ALKBH3: variants seen among roughly 807,000 people sequenced by gnomAD.
ALKBH3 encodes the protein alkB homolog 3, alpha-ketoglutarate dependent dioxygenase, also known as alpha-ketoglutarate-dependent dioxygenase alkB homolog 3.
Under a neutral mutation model 43.9 loss-of-function variants are expected in ALKBH3, and 51 were observed. That is an observed-to-expected ratio of 1.16 (90% confidence interval 0.93 to 1.47). ALKBH3 has a LOEUF of 1.47. ALKBH3 is among the 40% of genes most tolerant of loss of function. The pLI is 0.00. For missense variants in ALKBH3, 361 were observed against 351.9 expected (o/e 1.03, Z -0.21); for synonymous variants, 102 against 115.2 (o/e 0.89, Z 0.73).
chr11:43,906,046 C>A lies in ALKBH3; in HGVS notation c.669+4321C>A, dbSNP rs142905777. Among the ~76,000 whole-genome samples the A allele has an allele frequency of 4.5e-3, 683 of 152,280 alleles. 7 individuals carry two copies. Among genetic ancestry groups the A allele is most frequent in the African/African-American group, 0.016 (650 of 41,550 alleles). On this transcript the variant is annotated intron_variant, in intron 8 of 9. Transcript: ENST00000302708. ...CAAATTACCTCTGGATAAACTGTAT[C>A]CTTCATCAGCTGAATTCTGCAAATG...
At chr11:43,898,103 C>G in intron 7 of ALKBH3, 2 of 1,070,588 alleles carry the variant, frequency 1.9e-6, no homozygotes, top group Non-Finnish European at 2.9e-6. Context: ...CTCAGCAGCC[C>G]CAGTGCACCT....
chr11:43,889,121 G>A (rs906930152), intron 5 of ALKBH3, among the ~76,000 whole-genome samples: 2 of 152,046 alleles, frequency 1.3e-5, no homozygotes, highest in South Asian at 2.1e-4. Context: ...CTCCACCCCC[G>A]GGTTCAAGCG....
At chr11:43,882,890 C>CTAAG (rs1951721589) in intron 2 of ALKBH3, 159 bp downstream of exon 2, 1 of 925,110 alleles carries the variant, frequency 1.1e-6, no homozygotes, top group Non-Finnish European at 1.6e-6. Flanking sequence ...TGATGGTGAG[C>CTAAG]TAAGGGTGGG....
Position 43,892,044 on chromosome 11 carries a change from T to C in ALKBH3, c.374T>C (p.Ile125Thr), listed in dbSNP as rs1332944576. 3 of 1,611,412 alleles carry C rather than the reference T, an allele frequency of 1.9e-6. No individual in the cohort carries two copies. In the Admixed American group the frequency reaches 5.0e-5, roughly 27 times the overall value. The stretch of plus-strand genomic sequence containing the variant: ...AGGCCTGTATTTTCTTTCTTAGATA[T>C]AACTTATCAGCAACCAAGACTTACA... ...WKQRTGIRED[I>T]TYQQPRLTAW... The change falls in exon 7 of 10, where the codon ATA becomes ACA. Residue 125 changes from isoleucine to threonine, a missense_variant. Ile to Thr is a moderately conservative substitution (Grantham distance 89). Coordinates refer to ENST00000302708, the MANE Select transcript of ALKBH3 (RefSeq NM_139178.4).
intron 8 of ALKBH3, chr11:43,910,417 C>T (rs1387228856): frequency 2.0e-5 from 3 of 152,216 alleles, no homozygotes; most frequent in Admixed American, 6.5e-5. Flanking sequence ...TCTGAATCTC[C>T]TATCTCCAGC....
intron 8 of ALKBH3, among the ~76,000 whole-genome samples, chr11:43,903,339 G>A (rs1951875472): frequency 6.6e-6 from 1 of 152,172 alleles, no homozygotes; most frequent in African/African-American, 2.4e-5. Context: ...TAAATACCAA[G>A]TTCACATGTG....
chr11:43,904,058 C>T (rs940685681), intron 8 of ALKBH3, among the ~76,000 whole-genome samples: 2 of 152,270 alleles, frequency 1.3e-5, no homozygotes, highest in African/African-American at 4.8e-5. Context: ...TTTGGAACAG[C>T]GCTTTATCCT....
intron 8 of ALKBH3, among the ~76,000 whole-genome samples, chr11:43,913,773 A>G (rs1951960212): frequency 6.6e-6 from 1 of 152,262 alleles, no homozygotes. Context: ...GAAGGCAGTC[A>G]TGTCATGGAC....
chr11:43,897,193 A>G (rs773424947), intron 7 of ALKBH3: 1 of 520,042 alleles, frequency 1.9e-6, no homozygotes. Context: ...ACATGGTTTC[A>G]GATTCCATAT....
chr11:43,896,878 G>A (rs1162750588), intron 7 of ALKBH3, among the ~76,000 whole-genome samples: 1 of 152,088 alleles, frequency 6.6e-6, no homozygotes, highest in African/African-American at 2.4e-5. Flanking sequence ...AACCATACAA[G>A]GTTAAAGATT....
chr11:43,917,065 A>G (rs1296793995), intron 8 of ALKBH3: 2 of 152,168 alleles, frequency 1.3e-5, no homozygotes, highest in Non-Finnish European at 2.9e-5. Context: ...TCCCTCCCAA[A>G]CGAAGGCTCA....
chr11:43,886,601 T>C lies in ALKBH3; in HGVS notation c.219-5T>C, dbSNP rs147857533. Reference sequence around the variant, plus strand: ...CTAACAAGTCTGTTTCCTTTGTTTCTTTAGCAGAGAGGGTGTGTATGAAAT... The same window carrying C: ...CTAACAAGTCTGTTTCCTTTGTTTCCTTAGCAGAGAGGGTGTGTATGAAAT... On this transcript the variant is annotated splice_region_variant and splice_polypyrimidine_tract_variant and intron_variant, in intron 4 of 9. Coordinates refer to ENST00000302708, the MANE Select transcript of ALKBH3 (RefSeq NM_139178.4). 3.1e-5 allele frequency: 50 copies of C among 1,614,136 alleles called. No individual in the cohort carries two copies. The Middle Eastern group carries it at 6.6e-4, about 21-fold the overall frequency.
intron 8 of ALKBH3, among the ~76,000 whole-genome samples, chr11:43,903,738 C>T (rs1014505047): frequency 6.6e-6 from 1 of 152,148 alleles, no homozygotes; most frequent in Non-Finnish European, 1.5e-5. Flanking sequence ...TTCACCACCA[C>T]CATGCCCCTT....
At chr11:43,892,759 T>G (rs1235148883) in intron 7 of ALKBH3, among the ~76,000 whole-genome samples, 1 of 152,246 alleles carries the variant, frequency 6.6e-6, no homozygotes, top group African/African-American at 2.4e-5. Context: ...AATAATGTTA[T>G]GTTTTATTGA....
intron 8 of ALKBH3, among the ~76,000 whole-genome samples, chr11:43,917,645 AT>A (rs36058738): frequency 2.0e-5 from 3 of 149,756 alleles, no homozygotes; most frequent in African/African-American, 4.9e-5. Flanking sequence ...CTCTGTCTGG[AT>A]TTTTTTTTTA....
chr11:43,899,350 C>T lies in ALKBH3; in HGVS notation c.460-2166C>T, dbSNP rs1453260324. The T allele has an allele frequency of 7.2e-6, 5 of 696,704 alleles. No individual in the cohort carries two copies. In the African/African-American group the frequency reaches 8.8e-5, roughly 12 times the overall value. The allele number at this position is 696,704 out of a possible 1,614,324, so 43.2% of individuals were successfully genotyped here. A position where few individuals can be genotyped will look rare whatever the true frequency, so the allele number is the denominator to read the frequency against. On this transcript the variant is annotated intron_variant, in intron 7 of 9. Coordinates refer to ENST00000302708, the MANE Select transcript of ALKBH3 (RefSeq NM_139178.4). Reference sequence around the variant, plus strand: ...AATTCCACAGCATGCCCGTGTGCACCATCAGCAGCCTGCCCCAGGTGGATG... The same window carrying T: ...AATTCCACAGCATGCCCGTGTGCACTATCAGCAGCCTGCCCCAGGTGGATG...
In ALKBH3 at chr11:43,889,111, C is replaced by T. The variant is rs139035125; in HGVS notation, c.267-614C>T. Reference sequence around the variant, plus strand: ...TGGTGTCATCTCAGCTCACTGCAACCTCCACCCCCGGGTTCAAGCGATTCT... The same window carrying T: ...TGGTGTCATCTCAGCTCACTGCAACTTCCACCCCCGGGTTCAAGCGATTCT... On this transcript the variant is annotated intron_variant, in intron 5 of 9. Coordinates refer to ENST00000302708, the MANE Select transcript of ALKBH3 (RefSeq NM_139178.4). Among the ~76,000 whole-genome samples, 48 of 152,270 alleles carry T rather than the reference C, an allele frequency of 3.2e-4. No individual in the cohort carries two copies. The East Asian group carries it at 9.1e-3, about 29-fold the overall frequency.
At chr11:43,898,992 AC>A in intron 7 of ALKBH3, 1 of 753,994 alleles carries the variant, frequency 1.3e-6, no homozygotes, top group South Asian at 1.4e-5. Context: ...CTGGACTGAG[AC>A]CATCTACCAC....
At chr11:43,892,330 T>C (rs948876281) in intron 7 of ALKBH3, among the ~76,000 whole-genome samples, 11 of 152,214 alleles carry the variant, frequency 7.2e-5, no homozygotes, top group African/African-American at 2.7e-4. Context: ...TAGAGTAAAC[T>C]GAACCAGAGT....
Sources: allele counts gnomAD v4.1 joint callset (sites outside exome capture counted in the v4.1 genomes callset), GRCh38; gene constraint gnomAD v4.1.1; transcripts MANE v1.5; gene names NCBI Gene and HGNC (gene_info 2026-07-23, HGNC 2026-07-21).